NSUN3: variants seen among roughly 807,000 people sequenced by gnomAD.
The protein encoded by NSUN3 is NOP2/Sun RNA methyltransferase 3, also known as tRNA (cytosine(34)-C(5))-methyltransferase, mitochondrial.
A neutral mutation model predicts 36.8 loss-of-function variants in NSUN3; 24 were observed. That is an observed-to-expected ratio of 0.65 (90% CI 0.47 to 0.92). The LOEUF (loss-of-function observed/expected upper bound fraction) is 0.92. NSUN3 is among the 40% of genes least tolerant of loss of function. The probability of loss-of-function intolerance (pLI) is 0.00; values close to 1 mark genes in which losing one functional copy is unlikely to be tolerated. For missense variants in NSUN3, 381 were observed against 392.8 expected, an observed-to-expected ratio of 0.97 and a Z score of 0.25; for synonymous variants, 146 against 145.2, an observed-to-expected ratio of 1.01 and a Z score of -0.04.
rs147110696 is a variant in NSUN3, at chr3:94,076,490, A to G, written c.123-7617A>G. ...GAACAGATGCCAGGAAACATCTTCT[A>G]CTACTACTGTATGCCCTGTAAAGAT... On this transcript the variant is annotated intron_variant, in intron 2 of 5. Coordinates refer to ENST00000314622, the MANE Select transcript of NSUN3 (RefSeq NM_022072.5). 1.9e-4 allele frequency: 148 copies of G among 786,510 alleles called. 1 individual carries two copies. In the African/African-American group the frequency reaches 2.0e-3, roughly 11 times the overall value. The allele number at this position is 786,510 out of a possible 1,614,324, so 48.7% of individuals were successfully genotyped here. A position where few individuals can be genotyped will look rare whatever the true frequency, so the allele number is the denominator to read the frequency against.
At chr3:94,077,840 T>C (rs1014538121) in intron 2 of NSUN3, among the ~76,000 whole-genome samples, 3 of 152,202 alleles carry the variant, frequency 2.0e-5, no homozygotes, top group African/African-American at 7.2e-5. Context: ...TTCTTCTTTA[T>C]TAGTCTGGCT....
At chr3:94,078,922 A>G (rs2107242763) in intron 2 of NSUN3, among the ~76,000 whole-genome samples, 1 of 152,010 alleles carries the variant, frequency 6.6e-6, no homozygotes, top group East Asian at 1.9e-4. Flanking sequence ...TGGTGCATTT[A>G]GCCTGTTTAA....
intron 3 of NSUN3, among the ~76,000 whole-genome samples, chr3:94,090,672 T>C (rs967945466): frequency 5.3e-5 from 8 of 152,172 alleles, no homozygotes; most frequent in African/African-American, 7.2e-5. Context: ...TAGGATATAA[T>C]ATTAAACAAA....
chr3:94,069,631 AT>A (rs1196389167), intron 2 of NSUN3, among the ~76,000 whole-genome samples: 1 of 152,246 alleles, frequency 6.6e-6, no homozygotes, highest in African/African-American at 2.4e-5. Flanking sequence ...TTGAATGAAA[AT>A]TATACTATCA....
At chr3:94,124,148 CTTTTTTTTT>C (rs58987431) in intron 5 of NSUN3, among the ~76,000 whole-genome samples, 1 of 88,186 alleles carries the variant, frequency 1.1e-5, no homozygotes, top group Non-Finnish European at 2.1e-5. Context: ...TATTTTATTT[CTTTTTTTTT>C]TTTTTTTTTT....
intron 1 of NSUN3, 130 bp downstream of exon 1, chr3:94,063,268 C>G: frequency 1.1e-6 from 1 of 947,212 alleles, no homozygotes. Context: ...ATCAGCGTTT[C>G]TTTGGCTTTA....
At chr3:94,103,000 C>G (rs1159519824) in intron 5 of NSUN3, among the ~76,000 whole-genome samples, 2 of 152,084 alleles carry the variant, frequency 1.3e-5, no homozygotes, top group Non-Finnish European at 2.9e-5. Context: ...AATTCTCATG[C>G]CTCAGCCTCT....
rs1319770737 is a variant in NSUN3, at chr3:94,131,779, C to T, written c.*5289C>T. 1.3e-5 allele frequency among the ~76,000 whole-genome samples: 2 copies of T among 152,168 alleles called. No individual in the cohort carries two copies. Among genetic ancestry groups the T allele is most frequent in the South Asian group, 2.1e-4 (1 of 4,828 alleles). ...CATTAACTTCTCCCTGCCGTCCACACGCTGAACAGCCACTACTTTCAGAAA... is the reference window on the plus strand; with the variant it reads ...CATTAACTTCTCCCTGCCGTCCACATGCTGAACAGCCACTACTTTCAGAAA... On this transcript the variant is annotated 3_prime_UTR_variant, in exon 6 of 6. Transcript: ENST00000314622.
rs1161530879 is a variant in NSUN3, at chr3:94,092,919, C to CAAAA, written c.467-1198_467-1195dup. Among the ~76,000 whole-genome samples the CAAAA allele has an allele frequency of 3.1e-3, 77 of 24,630 alleles. 6 individuals are homozygous for CAAAA. The highest frequency in any genetic ancestry group is 6.0e-3 in the South Asian group (2 of 334). The allele number at this position is 24,630 out of a possible 152,430, so 16.2% of individuals were successfully genotyped here. ...TGGGCAACAGAGCGAGACTGCATCT[C>CAAAA]AAAAAAAAAAAAAAAAAAAAAAAAA... is the stretch of plus-strand genomic sequence containing the variant. On this transcript the variant is annotated intron_variant, in intron 3 of 5. Coordinates refer to ENST00000314622, the MANE Select transcript of NSUN3 (RefSeq NM_022072.5).
chr3:94,126,391 C>T lies in NSUN3; in HGVS notation c.924C>T (p.Gly308=). The T allele has an allele frequency of 6.2e-7, 1 of 1,614,056 alleles. No individual in the cohort carries two copies. Among genetic ancestry groups the T allele is most frequent in the African/African-American group, 1.3e-5 (1 of 74,996 alleles). The change falls in exon 6 of 6, where the codon GGC becomes GGT. Residue 308 remains glycine (G), a synonymous_variant. Coordinates refer to ENST00000314622, the MANE Select transcript of NSUN3 (RefSeq NM_022072.5). ...CSHDFTFAPT[G]QECGLLVIPD... is the part of the protein sequence containing the mutation. ...ACGACTTCACATTTGCTCCCACTGGCCAGGAATGTGGGCTCTTAGTGATTC... is the reference window on the plus strand; with the variant it reads ...ACGACTTCACATTTGCTCCCACTGGTCAGGAATGTGGGCTCTTAGTGATTC...
intron 5 of NSUN3, among the ~76,000 whole-genome samples, chr3:94,107,311 T>A (rs1267272749): frequency 6.6e-6 from 1 of 151,786 alleles, no homozygotes; most frequent in African/African-American, 2.4e-5. Context: ...TTGTTGTTGT[T>A]TGTTTTGAGG....
chr3:94,115,963 C>T (rs1029150872), intron 5 of NSUN3, among the ~76,000 whole-genome samples: 2 of 152,064 alleles, frequency 1.3e-5, no homozygotes, highest in African/African-American at 4.8e-5. Context: ...TTTGAAACAC[C>T]TTCCTTTGGA....
rs937843900 is a variant in NSUN3, at chr3:94,131,350, C to T, written c.*4860C>T. ...ATCAAAACTGGCTCCGAGGTCCAGGCCCTTTTCCCAACACTATGCTGTCTC... is the reference window on the plus strand; with the variant it reads ...ATCAAAACTGGCTCCGAGGTCCAGGTCCTTTTCCCAACACTATGCTGTCTC... On this transcript the variant is annotated 3_prime_UTR_variant, in exon 6 of 6. Coordinates refer to ENST00000314622, the MANE Select transcript of NSUN3 (RefSeq NM_022072.5). Among the ~76,000 whole-genome samples the T allele has an allele frequency of 1.4e-4, 21 of 152,176 alleles. No individual in the cohort carries two copies. The highest frequency in any genetic ancestry group is 4.3e-4 in the African/African-American group (18 of 41,434).
At chr3:94,080,384 G>A (rs191828502) in intron 2 of NSUN3, among the ~76,000 whole-genome samples, 5 of 152,246 alleles carry the variant, frequency 3.3e-5, no homozygotes, top group Admixed American at 2.6e-4. Flanking sequence ...GATACACAGC[G>A]GTCAGATACC....
At chr3:94,114,827 A>G (rs2077433026) in intron 5 of NSUN3, among the ~76,000 whole-genome samples, 1 of 152,150 alleles carries the variant, frequency 6.6e-6, no homozygotes, top group Non-Finnish European at 1.5e-5. Flanking sequence ...TGAGTACACA[A>G]TGTTTAGCTC....
In NSUN3 at chr3:94,126,474, G is replaced by T. The variant is rs771111824; in HGVS notation, c.1007G>T (p.Ser336Ile). 4.4e-6 allele frequency: 7 copies of T among 1,607,440 alleles called. No homozygotes were observed. The East Asian group carries it at 1.1e-4, about 26-fold the overall frequency. Residue 336 changes from serine to isoleucine, a missense_variant, in exon 6 of 6, where the codon AGC becomes ATC. By Grantham distance (142) the Ser-to-Ile change is moderately radical. Transcript: ENST00000314622. ...GTAGCCAAATTGAAGAAATCATGGA[G>T]CACAGGAAAATGGTGACATGAATTT... ...MYVAKLKKSW[S>I]TGKW
intron 3 of NSUN3, among the ~76,000 whole-genome samples, chr3:94,086,743 T>G (rs1041261016): frequency 6.6e-6 from 1 of 152,242 alleles, no homozygotes; most frequent in Non-Finnish European, 1.5e-5. Flanking sequence ...GCAAAAATGT[T>G]ATTTTACAAG....
At position 94,107,736 on chromosome 3, in the gene NSUN3, G is replaced by C. The variant is rs138562660; in HGVS notation, c.743+12582G>C. ...TTTTTAAATGTCTTAATGGTATTTT[G>C]GGGACACCATATCTCAATTTTAAAA... On this transcript the variant is annotated intron_variant, in intron 5 of 5. Coordinates refer to ENST00000314622, the MANE Select transcript of NSUN3 (RefSeq NM_022072.5). 3.2e-3 allele frequency among the ~76,000 whole-genome samples: 494 copies of C among 152,102 alleles called. 3 individuals are homozygous for C. Among genetic ancestry groups the C allele is most frequent in the Non-Finnish European group, 5.3e-3 (363 of 68,002 alleles).
chr3:94,094,888 A>T, intron 4 of NSUN3, 145 bp from the exon 5 acceptor site: 1 of 756,294 alleles, frequency 1.3e-6, no homozygotes, highest in Non-Finnish European at 2.1e-6. Context: ...GGAAAAACCT[A>T]CTGTGGTGTA....
Sources: allele counts gnomAD v4.1 joint callset (sites outside exome capture counted in the v4.1 genomes callset), GRCh38; gene constraint gnomAD v4.1.1; transcripts MANE v1.5; gene names NCBI Gene and HGNC (gene_info 2026-07-23, HGNC 2026-07-21).